RTP4: variants seen among roughly 807,000 people sequenced by gnomAD.
The protein encoded by RTP4 is receptor transporter protein 4, also known as receptor-transporting protein 4.
RTP4 carries 5 observed loss-of-function variants against 6.5 expected under a neutral mutation model. The ratio of observed to expected loss-of-function variants is 0.77; its 90% CI spans 0.40 to 1.62. The LOEUF is 1.62. Ranked by LOEUF, RTP4 falls within the 40% of genes most tolerant of loss-of-function variation. RTP4 has a pLI of 0.02. For synonymous variants in RTP4, 112 were observed against 114.8 expected (o/e 0.98, Z 0.15); for missense variants, 266 against 288.7 (o/e 0.92, Z 0.57).
chr3:187,369,009 CT>C (rs10695577), intron 1 of RTP4, among the ~76,000 whole-genome samples: 93 of 136,268 alleles, frequency 6.8e-4, no homozygotes, highest in East Asian at 8.7e-4. Flanking sequence ...GGGACGGAGC[CT>C]TTTTTTTTTT....
chr3:187,371,612 C>T lies in RTP4; in HGVS notation c.*239C>T, dbSNP rs187485940. The T allele has an allele frequency of 7.8e-4, 388 of 498,938 alleles. No individual in the cohort carries two copies. The highest frequency in any genetic ancestry group is 1.3e-3 in the Non-Finnish European group (349 of 278,766). 30.9% of individuals were successfully genotyped at this position (498,938 alleles called of 1,614,324 possible). ...CTTCAATCATTCATTCACTAAGTCA[C>T]TCAGTGATATCAATATACTTAGCTC... is the stretch of plus-strand genomic sequence containing the variant. On this transcript the variant is annotated 3_prime_UTR_variant, in exon 2 of 2. Coordinates refer to ENST00000259030, the MANE Select transcript of RTP4 (RefSeq NM_022147.3).
rs182227919 is a variant in RTP4 at position 187,370,334 on chromosome 3, G to A, written c.156-454G>A. Among the ~76,000 whole-genome samples the A allele has an allele frequency of 2.4e-3, 369 of 152,318 alleles. 1 individual carries two copies. Among genetic ancestry groups the A allele is most frequent in the African/African-American group, 8.4e-3 (348 of 41,550 alleles). On this transcript the variant is annotated intron_variant, in intron 1 of 1. Coordinates refer to ENST00000259030, the MANE Select transcript of RTP4 (RefSeq NM_022147.3). ...TAACATTTACCCTGTGTGTCCTTAAGCAGGTTGCGTATCCTTTTCATGATT... is the reference window on the plus strand; with the variant it reads ...TAACATTTACCCTGTGTGTCCTTAAACAGGTTGCGTATCCTTTTCATGATT...
chr3:187,370,929 C>T lies in RTP4; in HGVS notation c.297C>T (p.Ser99=). 1 of 1,614,120 alleles carries T rather than the reference C, an allele frequency of 6.2e-7. No individual in the cohort carries two copies. The highest frequency in any genetic ancestry group is 8.5e-7 in the Non-Finnish European group (1 of 1,180,020). Reference sequence around the variant, plus strand: ...AAAGGTGCCAGAAGTGCTCCTGGTCCCAATATGAGATGCCTGAGTTCTCCT... The same window carrying T: ...AAAGGTGCCAGAAGTGCTCCTGGTCTCAATATGAGATGCCTGAGTTCTCCT... ...FGQRCQKCSW[S]QYEMPEFSSD... is the part of the protein sequence containing the mutation. The change falls in exon 2 of 2, where the codon TCC becomes TCT. Residue 99 remains serine (S), a synonymous_variant. Coordinates refer to ENST00000259030, the MANE Select transcript of RTP4 (RefSeq NM_022147.3).
In RTP4 at chr3:187,369,931, T is replaced by G. The variant is rs6775358; in HGVS notation, c.156-857T>G. On this transcript the variant is annotated intron_variant, in intron 1 of 1. Transcript: ENST00000259030. ...ACTCCTCCAAACAGAAAGAAGGTGT[T>G]TCTCCTGTTGGGATGATTTGATTTG... is the stretch of plus-strand genomic sequence containing the variant. Among the ~76,000 whole-genome samples the G allele has an allele frequency of 4.1e-3, 628 of 152,350 alleles. 10 individuals carry two copies. Among genetic ancestry groups the G allele is most frequent in the African/African-American group, 0.014 (585 of 41,578 alleles).
rs78482881 is a variant in RTP4, at chr3:187,370,790, T to G, written c.158T>G (p.Phe53Cys). 153 of 1,611,318 alleles carry G rather than the reference T, an allele frequency of 9.5e-5. No individual in the cohort carries two copies. In the African/African-American group the frequency reaches 1.8e-3, roughly 19 times the overall value. Residue 53 changes from phenylalanine to cysteine, a missense_variant and splice_region_variant, in exon 2 of 2, where the codon TTC (phenylalanine) becomes TGC (cysteine). Coordinates refer to ENST00000259030, the MANE Select transcript of RTP4 (RefSeq NM_022147.3). ...GGGTGTCTTCCTTCTGACTGCAGGT[T>G]CCGGTGTTCCTCCTGCCAGCGAAGT... ...KQYQQRAFGW[F>C]RCSSCQRSWA...
In RTP4 at chr3:187,370,861, C is replaced by T. The variant is rs770515149; in HGVS notation, c.229C>T (p.His77Tyr). 1.9e-6 allele frequency: 3 copies of T among 1,613,998 alleles called. No homozygotes were observed. The Admixed American group carries it at 5.0e-5, about 27-fold the overall frequency. The change falls in exon 2 of 2, where the codon CAC becomes TAC. Residue 77 changes from histidine to tyrosine, a missense_variant. Physicochemically the swap from His to Tyr is moderately conservative, Grantham distance 83. Coordinates refer to ENST00000259030, the MANE Select transcript of RTP4 (RefSeq NM_022147.3). ...GATTCTGTGCCACACGTACTGGGAG[C>T]ACTGGACATCCCAGGGTCAGGTGCG... ...VQILCHTYWE[H>Y]WTSQGQVRMR...
At position 187,371,160 on chromosome 3, in the gene RTP4, C is replaced by T; in HGVS notation, c.528C>T (p.Ser176=). ...LKSCMTKPSK[S]LLPHLKTGNS... Reference sequence around the variant, plus strand: ...GCTGCATGACAAAGCCGTCCAAATCCCTACTCCCCCACCTAAAGACTGGGA... The same window carrying T: ...GCTGCATGACAAAGCCGTCCAAATCTCTACTCCCCCACCTAAAGACTGGGA... The change falls in exon 2 of 2, where the codon TCC becomes TCT. Residue 176 remains serine (S), a synonymous_variant. Transcript: ENST00000259030. 6.2e-7 allele frequency: 1 copy of T among 1,614,156 alleles called. No individual in the cohort carries two copies. The highest frequency in any genetic ancestry group is 8.5e-7 in the Non-Finnish European group (1 of 1,180,048).
intron 1 of RTP4, among the ~76,000 whole-genome samples, chr3:187,369,552 C>G (rs915644103): frequency 6.6e-6 from 1 of 151,532 alleles, no homozygotes; most frequent in Non-Finnish European, 1.5e-5. Flanking sequence ...AGTATTCCTT[C>G]GTATACATTC....
rs1281099319 is a variant in RTP4 at position 187,371,174 on chromosome 3, T to G, written c.542T>G (p.Leu181Arg). The G allele has an allele frequency of 6.2e-7, 1 of 1,613,990 alleles. No homozygotes were observed. The highest frequency in any genetic ancestry group is 1.3e-5 in the African/African-American group (1 of 74,896). ...CCGTCCAAATCCCTACTCCCCCACCTAAAGACTGGGAATTCCTCACCTGGA... is the reference window on the plus strand; with the variant it reads ...CCGTCCAAATCCCTACTCCCCCACCGAAAGACTGGGAATTCCTCACCTGGA... ...TKPSKSLLPH[L>R]KTGNSSPGIG... The change falls in exon 2 of 2, where the codon CTA becomes CGA. Residue 181 changes from leucine to arginine, a missense_variant. Leu to Arg is a moderately radical substitution (Grantham distance 102). Transcript: ENST00000259030.
intron 1 of RTP4, among the ~76,000 whole-genome samples, chr3:187,369,759 G>A (rs1259203871): frequency 2.0e-5 from 3 of 151,784 alleles, no homozygotes; most frequent in Non-Finnish European, 4.4e-5. Flanking sequence ...CCTCCTAAAC[G>A]TCTCCAGAAC....
In RTP4 at chr3:187,370,796, G is replaced by A. The variant is rs1184559431; in HGVS notation, c.164G>A (p.Cys55Tyr). The A allele has an allele frequency of 1.9e-6, 3 of 1,612,196 alleles. No individual in the cohort carries two copies. Among genetic ancestry groups the A allele is most frequent in the Admixed American group, 1.7e-5 (1 of 59,954 alleles). ...CTTCCTTCTGACTGCAGGTTCCGGT[G>A]TTCCTCCTGCCAGCGAAGTTGGGCT... ...YQQRAFGWFR[C>Y]SSCQRSWASA... Residue 55 changes from cysteine to tyrosine, a missense_variant, in exon 2 of 2, where the codon TGT becomes TAT. Coordinates refer to ENST00000259030, the MANE Select transcript of RTP4 (RefSeq NM_022147.3).
chr3:187,370,854 C>G lies in RTP4; in HGVS notation c.222C>G (p.Tyr74Ter). Reference sequence around the variant, plus strand: ...AAGTGCAGATTCTGTGCCACACGTACTGGGAGCACTGGACATCCCAGGGTC... The same window carrying G: ...AAGTGCAGATTCTGTGCCACACGTAGTGGGAGCACTGGACATCCCAGGGTC... ...SAQVQILCHTYWEHWTSQGQV... is the reference protein window; with the variant it reads ...SAQVQILCHT The change falls in exon 2 of 2, where the codon TAC becomes TAG. Residue 74 changes from tyrosine to a stop codon, truncating the protein, a stop_gained. Coordinates refer to ENST00000259030, the MANE Select transcript of RTP4 (RefSeq NM_022147.3). LOFTEE classifies it low-confidence loss of function (END_TRUNC). 6.2e-7 allele frequency: 1 copy of G among 1,614,124 alleles called. No homozygotes were observed. Among genetic ancestry groups the G allele is most frequent in the Non-Finnish European group, 8.5e-7 (1 of 1,180,044 alleles).
intron 1 of RTP4, among the ~76,000 whole-genome samples, chr3:187,368,867 C>T (rs1263524849): frequency 6.6e-6 from 1 of 152,120 alleles, no homozygotes; most frequent in Non-Finnish European, 1.5e-5. Flanking sequence ...CATAAATTTT[C>T]CCTTCTAGTT....
In RTP4 at chr3:187,371,197, G is replaced by A; in HGVS notation, c.565G>A (p.Gly189Arg). 1 of 1,614,106 alleles carries A rather than the reference G, an allele frequency of 6.2e-7. No homozygotes were observed. Among genetic ancestry groups the A allele is most frequent in the Non-Finnish European group, 8.5e-7 (1 of 1,180,038 alleles). The change falls in exon 2 of 2, where the codon GGA becomes AGA. Residue 189 changes from glycine (G) to arginine (R), a missense_variant. By Grantham distance (125) the Gly-to-Arg change is moderately radical (BLOSUM62 -2). Transcript: ENST00000259030. ...PHLKTGNSSPGIGAVYLANQA... is the reference protein window; with the variant it reads ...PHLKTGNSSPRIGAVYLANQA... ...CCTAAAGACTGGGAATTCCTCACCT[G>A]GAATTGGTGCTGTGTACCTCGCAAA... is the stretch of plus-strand genomic sequence containing the variant.
chr3:187,370,288 C>G (rs1438554969), intron 1 of RTP4, among the ~76,000 whole-genome samples: 3 of 152,162 alleles, frequency 2.0e-5, no homozygotes, highest in Non-Finnish European at 4.4e-5. Context: ...TTCAGATGGC[C>G]TGAGATTAGC....
intron 1 of RTP4, among the ~76,000 whole-genome samples, chr3:187,370,512 T>C (rs1298202388): frequency 6.6e-6 from 1 of 152,198 alleles, no homozygotes; most frequent in Non-Finnish European, 1.5e-5. Flanking sequence ...CTCTGGAAGA[T>C]GGCAGACATG....
intron 1 of RTP4, among the ~76,000 whole-genome samples, chr3:187,369,023 T>TTAA (rs1553796243): frequency 6.7e-6 from 1 of 149,888 alleles, no homozygotes; most frequent in Non-Finnish European, 1.5e-5. Context: ...TTTTTTTTTT[T>TTAA]AAATATCTTA....
At position 187,368,575 on chromosome 3, in the gene RTP4, A is replaced by G; in HGVS notation, c.134A>G (p.Tyr45Cys). Residue 45 changes from tyrosine to cysteine, a missense_variant, in exon 1 of 2, where the codon TAC (tyrosine) becomes TGC (cysteine). Transcript: ENST00000259030. ...LDCLAQGWKQYQQRAFGWFRC... is the reference protein window; with the variant it reads ...LDCLAQGWKQCQQRAFGWFRC... ...TGCCTGGCTCAAGGGTGGAAGCAAT[A>G]CCAACAGAGAGCATTTGGCTGGTGA... 1 of 1,612,640 alleles carries G rather than the reference A, an allele frequency of 6.2e-7. No homozygotes were observed. The highest frequency in any genetic ancestry group is 8.5e-7 in the Non-Finnish European group (1 of 1,179,602).
rs773420181 is a variant in RTP4, at chr3:187,370,905, A to C, written c.273A>C (p.Gln91His). Residue 91 changes from glutamine (Q) to histidine (H), a missense_variant, in exon 2 of 2, where the codon CAA becomes CAC. Gln to His is a conservative substitution (Grantham distance 24). Coordinates refer to ENST00000259030, the MANE Select transcript of RTP4 (RefSeq NM_022147.3). ...QGQVRMRLFG[Q>H]RCQKCSWSQY... ...AGGTGCGTATGAGGCTCTTTGGCCA[A>C]AGGTGCCAGAAGTGCTCCTGGTCCC... 3.4e-5 allele frequency: 55 copies of C among 1,614,072 alleles called. No individual in the cohort carries two copies. Among genetic ancestry groups the C allele is most frequent in the Non-Finnish European group, 4.3e-5 (51 of 1,180,040 alleles).
Sources: allele counts gnomAD v4.1 joint callset (sites outside exome capture counted in the v4.1 genomes callset), GRCh38; gene constraint gnomAD v4.1.1; transcripts MANE v1.5; gene names NCBI Gene and HGNC (gene_info 2026-07-23, HGNC 2026-07-21).